ADARB1: variants seen among roughly 807,000 people sequenced by gnomAD.
ADARB1 encodes the protein adenosine deaminase RNA specific B1.
Under a neutral mutation model 52.4 loss-of-function variants are expected in ADARB1, and 10 were observed. The observed-to-expected ratio is 0.19, with a 90% CI of 0.12 to 0.32. The LOEUF is 0.32. Among genes scored for constraint, ADARB1 ranks in the 10% least tolerant of loss-of-function variants. ADARB1 has a pLI of 1.00. For missense variants in ADARB1, 643 were observed against 922.3 expected, an observed-to-expected ratio of 0.70 and a Z score of 3.92; for synonymous variants, 349 against 371.1, an observed-to-expected ratio of 0.94 and a Z score of 0.68.
rs1176203362 is a variant in ADARB1 at position 45,220,216 on chromosome 21, A to T, written c.1748-620A>T. Reference sequence around the variant, plus strand: ...TACAAGTTTATTTTGGTGCCAAAAAATTTTGAAATCCATGAGGTTTTTTCA... The same window carrying T: ...TACAAGTTTATTTTGGTGCCAAAAATTTTTGAAATCCATGAGGTTTTTTCA... On this transcript the variant is annotated intron_variant, in intron 9 of 10. Transcript: ENST00000348831. This position sits in a 1 kb window ranked among gnomAD's most constrained non-coding sequence, Gnocchi z 6.3. Among the ~76,000 whole-genome samples, 1 of 152,180 alleles carries T rather than the reference A, an allele frequency of 6.6e-6. No homozygotes were observed. The highest frequency in any genetic ancestry group is 2.4e-5 in the African/African-American group (1 of 41,452).
Position 45,223,077 on chromosome 21 carries a change from A to C in ADARB1, c.*880A>C. On this transcript the variant is annotated 3_prime_UTR_variant, in exon 11 of 11. Coordinates refer to ENST00000348831, the MANE Select transcript of ADARB1 (RefSeq NM_001112.4). The stretch of plus-strand genomic sequence containing the variant: ...TATTTAACTTTTATGGACTAGAAGG[A>C]ATCACGAGGGCTACTGCACAATACA... The C allele has an allele frequency of 1.0e-6, 1 of 985,442 alleles. No homozygotes were observed. The highest frequency in any genetic ancestry group is 1.2e-6 in the Non-Finnish European group (1 of 829,932). The allele number at this position is 985,442 out of a possible 1,614,324, so 61.0% of individuals were successfully genotyped here.
In ADARB1 at chr21:45,222,107, G is replaced by A. The variant is rs776872244; in HGVS notation, c.2016G>A (p.Lys672=). ...CGGCAAAGGAGTACCAGGCCGCCAAGGCGCGTCTGTTCACAGCCTTCATCA... is the reference window on the plus strand; with the variant it reads ...CGGCAAAGGAGTACCAGGCCGCCAAAGCGCGTCTGTTCACAGCCTTCATCA... ...KLAAKEYQAA[K]ARLFTAFIKA... is the part of the protein sequence containing the mutation. The change falls in exon 11 of 11, where the codon AAG becomes AAA. Residue 672 remains lysine (K), a synonymous_variant. Coordinates refer to ENST00000348831, the MANE Select transcript of ADARB1 (RefSeq NM_001112.4). 2 of 1,613,318 alleles carry A rather than the reference G, an allele frequency of 1.2e-6. No homozygotes were observed. The highest frequency in any genetic ancestry group is 3.3e-5 in the Admixed American group (2 of 59,990).
chr21:45,162,082 G>T (rs1276487480), intron 2 of ADARB1, among the ~76,000 whole-genome samples: 1 of 152,148 alleles, frequency 6.6e-6, no homozygotes, highest in Non-Finnish European at 1.5e-5. Flanking sequence ...CACACCCATT[G>T]TTTGCCACAT....
Position 45,074,626 on chromosome 21 carries a change from G to T in ADARB1, c.-387G>T. The T allele has an allele frequency of 6.7e-6, 1 of 149,558 alleles. No individual in the cohort carries two copies. The highest frequency in any genetic ancestry group is 1.8e-4 in the South Asian group (1 of 5,470). 9.3% of individuals were successfully genotyped at this position (149,558 alleles called of 1,614,324 possible). ...CGGCGGCGGCGGCGGCGGCGGCAGC[G>T]GCGGCCAAGCGGCCAGGTTGGCGGC... On this transcript the variant is annotated 5_prime_UTR_variant, in exon 1 of 11. Coordinates refer to ENST00000348831, the MANE Select transcript of ADARB1 (RefSeq NM_001112.4).
intron 8 of ADARB1, among the ~76,000 whole-genome samples, chr21:45,197,561 T>C (rs2092453832): frequency 6.6e-6 from 1 of 151,758 alleles, no homozygotes; most frequent in African/African-American, 2.4e-5. Flanking sequence ...TCACTCCTAG[T>C]GGTTTACCAA....
chr21:45,207,772 G>A (rs2838813), intron 9 of ADARB1, among the ~76,000 whole-genome samples: 76,961 of 151,930 alleles, frequency 0.51, 19,828 homozygotes, highest in South Asian at 0.57. Flanking sequence ...GTATGACAGC[G>A]CCTAGTGAAT....
chr21:45,192,251 A>G (rs958576999), intron 8 of ADARB1, among the ~76,000 whole-genome samples: 1 of 152,180 alleles, frequency 6.6e-6, no homozygotes, highest in African/African-American at 2.4e-5. Flanking sequence ...TTCTGTGGTT[A>G]TGGTTTCAAA....
chr21:45,192,171 TAA>T (rs1569147455), intron 8 of ADARB1, among the ~76,000 whole-genome samples: 1 of 151,904 alleles, frequency 6.6e-6, no homozygotes, highest in East Asian at 1.9e-4. Context: ...GAATGAGAGC[TAA>T]AAAAGAGTCA....
chr21:45,140,673 G>A (rs2089672473), intron 2 of ADARB1, among the ~76,000 whole-genome samples: 2 of 152,108 alleles, frequency 1.3e-5, no homozygotes, highest in South Asian at 4.1e-4. Flanking sequence ...GCGTCCAGAA[G>A]CCAGTTTCCT....
chr21:45,079,766 C>G (rs149978039), intron 1 of ADARB1, among the ~76,000 whole-genome samples: 1 of 152,134 alleles, frequency 6.6e-6, no homozygotes, highest in Non-Finnish European at 1.5e-5. Context: ...GATTAGTTAT[C>G]TGAGTAGAGA....
chr21:45,170,168 G>T (rs1313146129), intron 2 of ADARB1, among the ~76,000 whole-genome samples: 2 of 152,138 alleles, frequency 1.3e-5, no homozygotes, highest in African/African-American at 2.4e-5. Context: ...ACTCATCTAT[G>T]TTTTTCTCAC....
At chr21:45,131,394 G>A (rs2088923408) in intron 2 of ADARB1, among the ~76,000 whole-genome samples, 1 of 152,224 alleles carries the variant, frequency 6.6e-6, no homozygotes, top group Admixed American at 6.5e-5. Flanking sequence ...TTGAGTGTAT[G>A]TTAAAAGTAT....
rs914596943 is a variant in ADARB1 at position 45,109,211 on chromosome 21, G to A, written c.-219-19191G>A. The stretch of plus-strand genomic sequence containing the variant: ...TATGTGTGTGCACGTGTGTTTGCGC[G>A]CGTGTGTGCGCGCTTGTGTGTATAT... On this transcript the variant is annotated intron_variant, in intron 1 of 10. Coordinates refer to ENST00000348831, the MANE Select transcript of ADARB1 (RefSeq NM_001112.4). 3.4e-5 allele frequency among the ~76,000 whole-genome samples: 5 copies of A among 148,800 alleles called. No individual in the cohort carries two copies. The East Asian group carries it at 7.8e-4, about 23-fold the overall frequency.
rs1442870404 is a variant in ADARB1, at chr21:45,221,566, A to G, written c.1927-452A>G. On this transcript the variant is annotated intron_variant, in intron 10 of 10. Coordinates refer to ENST00000348831, the MANE Select transcript of ADARB1 (RefSeq NM_001112.4). This position sits in a 1 kb window ranked among gnomAD's most constrained non-coding sequence, Gnocchi z 4.9. ...CATGGGAGGTATAGCCAGAAGGGAC[A>G]GTGCCCGGGAGGGTCCTGTTCACCA... Among the ~76,000 whole-genome samples the G allele has an allele frequency of 6.6e-6, 1 of 152,218 alleles. No individual in the cohort carries two copies. The highest frequency in any genetic ancestry group is 2.4e-5 in the African/African-American group (1 of 41,460).
At chr21:45,086,461 A>T (rs959143362) in intron 1 of ADARB1, among the ~76,000 whole-genome samples, 1 of 152,128 alleles carries the variant, frequency 6.6e-6, no homozygotes, top group Non-Finnish European at 1.5e-5. Context: ...TGTCACCTCA[A>T]ATGTTCCCTG....
intron 9 of ADARB1, among the ~76,000 whole-genome samples, chr21:45,214,616 C>T (rs2092828205): frequency 6.6e-6 from 1 of 152,156 alleles, no homozygotes; most frequent in Admixed American, 6.5e-5. Flanking sequence ...GTTGATTTAG[C>T]ACCATTTAGT....
Position 45,222,311 on chromosome 21 carries a change from A to T in ADARB1, c.*114A>T. Reference sequence around the variant, plus strand: ...TACCTTGGGGAGGGAGTAGGGGGACACGGGGGACCACCAGGTGTCCACGGT... The same window carrying T: ...TACCTTGGGGAGGGAGTAGGGGGACTCGGGGGACCACCAGGTGTCCACGGT... On this transcript the variant is annotated 3_prime_UTR_variant, in exon 11 of 11. Coordinates refer to ENST00000348831, the MANE Select transcript of ADARB1 (RefSeq NM_001112.4). 1 of 1,227,104 alleles carries T rather than the reference A, an allele frequency of 8.1e-7. No individual in the cohort carries two copies. The highest frequency in any genetic ancestry group is 1.0e-6 in the Non-Finnish European group (1 of 961,022). 76.0% of individuals were successfully genotyped at this position (1,227,104 alleles called of 1,614,324 possible).
chr21:45,153,528 C>A (rs2090409469), intron 2 of ADARB1, among the ~76,000 whole-genome samples: 1 of 152,140 alleles, frequency 6.6e-6, no homozygotes, highest in South Asian at 2.1e-4. Flanking sequence ...CCACAGGGCC[C>A]TTGGGACATG....
Position 45,200,428 on chromosome 21 carries a change from G to A in ADARB1, c.1566-4127G>A, listed in dbSNP as rs921392731. Among the ~76,000 whole-genome samples the A allele has an allele frequency of 7.2e-5, 11 of 152,186 alleles. No individual in the cohort carries two copies. The highest frequency in any genetic ancestry group is 7.3e-5 in the Non-Finnish European group (5 of 68,042). ...CGAGAGTCTTGGTTCAGATGACCTC[G>A]GCCTGTGTCCTCAGCTGCACAGAGC... On this transcript the variant is annotated intron_variant, in intron 8 of 10. Transcript: ENST00000348831. The surrounding 1 kb of genome is among the most constrained non-coding windows in gnomAD (Gnocchi z 5.0).
Sources: gnomAD v4.1 joint callset for allele counts (sites outside exome capture counted in the v4.1 genomes callset) on GRCh38, gnomAD v4.1.1 for gene constraint, Gnocchi (gnomAD v3.1) non-coding constraint, MANE v1.5 for transcripts, NCBI Gene and HGNC (gene_info 2026-07-23, HGNC 2026-07-21) for gene names.